The following RIMBP2 variants were observed in gnomAD, a reference collection of about 807,000 sequenced individuals.
RIMBP2 encodes RIMS-binding protein 2.
RIMBP2 carries 48 observed loss-of-function variants against 118.6 expected under a neutral mutation model. The observed-to-expected ratio is 0.40, with a 90% CI of 0.32 to 0.51. The LOEUF (loss-of-function observed/expected upper bound fraction) is 0.51, where lower values mean the gene tolerates loss of function less well. Ranked by LOEUF, RIMBP2 falls within the 20% of genes least tolerant of loss-of-function variation. The pLI is 0.41. For synonymous variants in RIMBP2, 762 were observed against 742.9 expected (o/e 1.03, Z -0.42); for missense variants, 1,551 against 1,768.3 (o/e 0.88, Z 2.20).
rs146550420 is a variant in RIMBP2 at position 130,511,637 on chromosome 12, C to T, written c.-126-4867G>A. 2.0e-5 allele frequency among the ~76,000 whole-genome samples: 3 copies of T among 152,320 alleles called. No individual in the cohort carries two copies. The highest frequency in any genetic ancestry group is 1.9e-4 in the East Asian group (1 of 5,174). ...AACCCTCAATTGCTTTTGGAGTATG[C>T]GCCATCTCTCTCCTGCTGGGACCAG... On this transcript the variant is annotated intron_variant, in intron 3 of 22. Transcript: ENST00000690449. The surrounding 1 kb of genome is among the most constrained non-coding windows in gnomAD (Gnocchi z 4.3).
intron 4 of RIMBP2, among the ~76,000 whole-genome samples, chr12:130,492,643 T>C (rs1180452179): frequency 6.6e-6 from 1 of 152,258 alleles, no homozygotes. Context: ...GCCCGGGATT[T>C]TGGCCAGCCA....
intron 1 of RIMBP2, among the ~76,000 whole-genome samples, chr12:130,677,703 G>A (rs2064560824): frequency 6.6e-6 from 1 of 152,086 alleles, no homozygotes; most frequent in Admixed American, 6.6e-5. Flanking sequence ...AGTCTGGGGT[G>A]GGGTCAAGCC....
chr12:130,563,372 C>T (rs966117724), intron 2 of RIMBP2, among the ~76,000 whole-genome samples: 6 of 152,200 alleles, frequency 3.9e-5, no homozygotes, highest in African/African-American at 1.4e-4. Flanking sequence ...TAAATTGGTT[C>T]AAATACCAAA....
intron 6 of RIMBP2, 121 bp from the exon 7 acceptor site, chr12:130,456,821 T>TGCACACA: frequency 7.3e-6 from 5 of 688,522 alleles, no homozygotes; most frequent in South Asian, 1.9e-5. Context: ...TGTACACACG[T>TGCACACA]GTTGTGTCTG....
In RIMBP2 at chr12:130,581,940, G is replaced by A. The variant is rs2058506570; in HGVS notation, c.-217+46382C>T. 1.3e-5 allele frequency among the ~76,000 whole-genome samples: 2 copies of A among 151,862 alleles called. No homozygotes were observed. The highest frequency in any genetic ancestry group is 2.9e-5 in the Non-Finnish European group (2 of 67,962). ...ATGACCTGGCCTCTCCTCCCTCCCT[G>A]GCTCAGTCACTCTCACTTCACCACC... On this transcript the variant is annotated intron_variant, in intron 2 of 22. Transcript: ENST00000690449. This position sits in a 1 kb window ranked among gnomAD's most constrained non-coding sequence, Gnocchi z 4.4.
chr12:130,483,593 G>A (rs1056910022), intron 4 of RIMBP2, among the ~76,000 whole-genome samples: 3 of 150,508 alleles, frequency 2.0e-5, no homozygotes, highest in Non-Finnish European at 4.4e-5. Flanking sequence ...AGAGCCCCAC[G>A]CGGCTGTGGG....
intron 9 of RIMBP2, among the ~76,000 whole-genome samples, chr12:130,448,121 A>T (rs1593335147): frequency 9.9e-6 from 1 of 101,212 alleles, no homozygotes; most frequent in African/African-American, 3.1e-5. Context: ...GTGGGTGGTT[A>T]AAAAAAAAAA....
At chr12:130,471,928 G>C (rs1162229367) in intron 5 of RIMBP2, 1 of 153,362 alleles carries the variant, frequency 6.5e-6, no homozygotes, top group African/African-American at 2.4e-5. Flanking sequence ...CCTACGGAGG[G>C]CAATGGGCCT....
intron 5 of RIMBP2, among the ~76,000 whole-genome samples, chr12:130,477,619 A>G (rs911055612): frequency 6.6e-6 from 1 of 152,192 alleles, no homozygotes; most frequent in African/African-American, 2.4e-5. Context: ...AATGAAATCT[A>G]TCCTTAATAC....
chr12:130,567,025 G>C (rs1406728859), intron 2 of RIMBP2, among the ~76,000 whole-genome samples: 1 of 152,186 alleles, frequency 6.6e-6, no homozygotes, highest in East Asian at 1.9e-4. Flanking sequence ...CAAAGGCAGA[G>C]TCAGAAGAAA....
chr12:130,480,962 G>A (rs2081949382), intron 4 of RIMBP2, among the ~76,000 whole-genome samples: 1 of 152,224 alleles, frequency 6.6e-6, no homozygotes, highest in African/African-American at 2.4e-5. Context: ...CGCAAGTCAT[G>A]AGGTCGGACA....
Position 130,665,026 on chromosome 12 carries a change from G to A in RIMBP2, c.-351-36570C>T, listed in dbSNP as rs549096320. Among the ~76,000 whole-genome samples the A allele has an allele frequency of 1.5e-4, 22 of 151,632 alleles. 1 individual carries two copies. Among genetic ancestry groups the A allele is most frequent in the African/African-American group, 4.9e-4 (20 of 40,984 alleles). On this transcript the variant is annotated intron_variant, in intron 1 of 22. Coordinates refer to ENST00000690449, the MANE Select transcript of RIMBP2 (RefSeq NM_001393629.1). ...TGTGAGCAGCATGCTGGAGTCCGAC[G>A]AGGAACCAGAGTCTCCACTCACTCA...
intron 2 of RIMBP2, among the ~76,000 whole-genome samples, chr12:130,572,406 C>T (rs1219983986): frequency 3.3e-5 from 5 of 152,156 alleles, no homozygotes; most frequent in Non-Finnish European, 4.4e-5. Context: ...CTTCCCGGCT[C>T]GCATGAGCAT....
At chr12:130,429,245 C>T (rs1476350347) in intron 14 of RIMBP2, 1 of 152,260 alleles carries the variant, frequency 6.6e-6, no homozygotes, top group African/African-American at 2.4e-5. Flanking sequence ...AGCTCAGCCT[C>T]AGCATGAGAC....
In RIMBP2 at chr12:130,442,247, C is replaced by T; in HGVS notation, c.1105G>A (p.Ala369Thr). ...MNLTLGSRTK[A>T]LIEKLNMAAC... is the part of the protein sequence containing the mutation. Reference sequence around the variant, plus strand: ...GCCATGTTGAGCTTCTCGATGAGGGCTTTAGTTCTGCTCCCCAGCGTGAGG... The same window carrying T: ...GCCATGTTGAGCTTCTCGATGAGGGTTTTAGTTCTGCTCCCCAGCGTGAGG... The change falls in exon 11 of 23, where the codon GCC (alanine) becomes ACC (threonine). Residue 369 changes from alanine (A) to threonine (T), a missense_variant. Physicochemically the swap from Ala to Thr is moderately conservative, Grantham distance 58. Coordinates refer to ENST00000690449, the MANE Select transcript of RIMBP2 (RefSeq NM_001393629.1). This position sits in a 1 kb window ranked among gnomAD's most constrained non-coding sequence, Gnocchi z 6.9. The T allele has an allele frequency of 6.2e-7, 1 of 1,614,210 alleles. No homozygotes were observed. The highest frequency in any genetic ancestry group is 8.5e-7 in the Non-Finnish European group (1 of 1,180,042).
chr12:130,534,197 A>T (rs1409460552), intron 2 of RIMBP2, among the ~76,000 whole-genome samples: 3 of 133,828 alleles, frequency 2.2e-5, no homozygotes, highest in Non-Finnish European at 4.7e-5. Context: ...GAGAGAGTAG[A>T]ATGATAGACA....
Position 130,428,259 on chromosome 12 carries a change from C to G in RIMBP2, c.2332G>C (p.Glu778Gln). The change falls in exon 15 of 23, where the codon GAG (glutamate) becomes CAG (glutamine). Residue 778 changes from glutamate to glutamine, a missense_variant. Physicochemically the swap from Glu to Gln is conservative, Grantham distance 29 (BLOSUM62 2). Around this residue, in one of 5 missense-constraint regions of RIMBP2, gnomAD observed 1,038 missense variants for 1,125.1 expected, o/e 0.92. Transcript: ENST00000690449. ...TGCATTTCAGAATACAGCTCCTCCT[C>G]GTCCTCCTCCATGATGTCTGAGAGG... ...SDLSDIMEEDEEELYSEMQLE... is the reference protein window; with the variant it reads ...SDLSDIMEEDQEELYSEMQLE... 6.2e-7 allele frequency: 1 copy of G among 1,613,760 alleles called. No individual in the cohort carries two copies. The highest frequency in any genetic ancestry group is 8.5e-7 in the Non-Finnish European group (1 of 1,179,834).
At chr12:130,412,904 T>C in intron 18 of RIMBP2, 117 bp from the exon 19 acceptor site, 1 of 1,013,808 alleles carries the variant, frequency 9.9e-7, no homozygotes, top group Non-Finnish European at 1.4e-6. Context: ...AGTTTAAAAA[T>C]ACCATAAATC....
intron 2 of RIMBP2, among the ~76,000 whole-genome samples, chr12:130,556,958 T>C (rs1288717907): frequency 1.3e-5 from 2 of 152,142 alleles, no homozygotes; most frequent in African/African-American, 2.4e-5. Flanking sequence ...TATCCTGTTA[T>C]GGGTTAAATT....
Sources: allele counts gnomAD v4.1 joint callset (sites outside exome capture counted in the v4.1 genomes callset), GRCh38; gene constraint gnomAD v4.1.1; regional missense constraint gnomAD v4.1.1; non-coding constraint Gnocchi (gnomAD v3.1); transcripts MANE v1.5; gene names NCBI Gene and HGNC (gene_info 2026-07-23, HGNC 2026-07-21).